The following DKK2 variants were observed in gnomAD, a reference collection of about 807,000 sequenced individuals.
The protein encoded by DKK2 is dickkopf-related protein 2.
DKK2 carries 11 observed loss-of-function variants against 28.1 expected under a neutral mutation model. The ratio of observed to expected loss-of-function variants is 0.39; its 90% CI spans 0.25 to 0.65. The LOEUF is 0.65. Among genes scored for constraint, DKK2 ranks in the 30% least tolerant of loss-of-function variants. The probability of loss-of-function intolerance (pLI) is 0.47; values close to 1 mark genes in which losing one functional copy is unlikely to be tolerated. For synonymous variants in DKK2, 135 were observed against 126.5 expected (o/e 1.07, Z -0.45); for missense variants, 326 against 335.5 (o/e 0.97, Z 0.22).
At chr4:106,963,780 G>T (rs890991989) in intron 1 of DKK2, among the ~76,000 whole-genome samples, 1 of 152,180 alleles carries the variant, frequency 6.6e-6, no homozygotes, top group African/African-American at 2.4e-5. Context: ...GATTCAACAT[G>T]TTCAACAATG....
chr4:106,943,688 T>A (rs1333658046), intron 1 of DKK2, among the ~76,000 whole-genome samples: 1 of 152,142 alleles, frequency 6.6e-6, no homozygotes, highest in Non-Finnish European at 1.5e-5. Context: ...AGTACTATCA[T>A]CAGTTCTGCA....
At chr4:106,953,046 G>A (rs1722511300) in intron 1 of DKK2, among the ~76,000 whole-genome samples, 1 of 152,070 alleles carries the variant, frequency 6.6e-6, no homozygotes, top group African/African-American at 2.4e-5. Flanking sequence ...TGCTATAGTT[G>A]TCTCTGTCTT....
At position 106,924,204 on chromosome 4, in the gene DKK2, C is replaced by T; in HGVS notation, c.530G>A (p.Gly177Glu). ...TCGTAGGCAGGGGTCTCCTTCATGC[C>T]CTGCAGAGATGATGACCAATAGATG... ...RPHTKMSHIK[G>E]HEGDPCLRSS... The change falls in exon 4 of 4, where the codon GGG becomes GAG. Residue 177 changes from glycine to glutamate, a missense_variant and splice_region_variant. By Grantham distance (98) the Gly-to-Glu change is moderately conservative (BLOSUM62 -2). Coordinates refer to ENST00000285311, the MANE Select transcript of DKK2 (RefSeq NM_014421.3). 1 of 1,613,640 alleles carries T rather than the reference C, an allele frequency of 6.2e-7. No individual in the cohort carries two copies. Among genetic ancestry groups the T allele is most frequent in the Non-Finnish European group, 8.5e-7 (1 of 1,179,828 alleles).
rs543234259 is a variant in DKK2, at chr4:106,938,810, C to T, written c.223-12861G>A. On this transcript the variant is annotated intron_variant, in intron 1 of 3. Transcript: ENST00000285311. ...TGGGATGCAAGGCTGGTTCAATATA[C>T]GCAAATCAATAAATGTAATCCAGCA... 4.4e-3 allele frequency among the ~76,000 whole-genome samples: 664 copies of T among 151,294 alleles called. 5 individuals carry two copies. Among genetic ancestry groups the T allele is most frequent in the African/African-American group, 0.015 (631 of 41,194 alleles).
Position 106,924,640 on chromosome 4 carries a change from G to C in DKK2, c.434C>G (p.Thr145Ser). Residue 145 changes from threonine to serine, a missense_variant, in exon 3 of 4, where the codon ACT (threonine) becomes AGT (serine). Transcript: ENST00000285311. ...ACCGTGGTTTCGATCTCTGTGCCGA[G>C]TACCATCCAGAGCCGGGATGTGAGG... is the stretch of plus-strand genomic sequence containing the variant. ...LTPHIPALDG[T>S]RHRDRNHGHY... The C allele has an allele frequency of 6.2e-7, 1 of 1,613,890 alleles. No homozygotes were observed.
At chr4:106,981,990 T>A (rs1723032813) in intron 1 of DKK2, among the ~76,000 whole-genome samples, 1 of 152,156 alleles carries the variant, frequency 6.6e-6, no homozygotes, top group Non-Finnish European at 1.5e-5. Flanking sequence ...AAATATTGGG[T>A]GAATCAATAA....
At chr4:107,004,212 C>G (rs1425509708) in intron 1 of DKK2, among the ~76,000 whole-genome samples, 1 of 152,196 alleles carries the variant, frequency 6.6e-6, no homozygotes, top group Non-Finnish European at 1.5e-5. Context: ...CAAAGTGCTT[C>G]TCATGCTGTG....
chr4:107,017,161 C>A (rs1003493840), intron 1 of DKK2, among the ~76,000 whole-genome samples: 11 of 151,934 alleles, frequency 7.2e-5, no homozygotes, highest in African/African-American at 2.7e-4. Context: ...TTTATCCATT[C>A]TATAATGTAG....
rs1439585999 is a variant in DKK2 at position 107,035,402 on chromosome 4, C to T, written c.190G>A (p.Gly64Ser). 1.9e-6 allele frequency: 3 copies of T among 1,614,088 alleles called. No individual in the cohort carries two copies. The highest frequency in any genetic ancestry group is 2.5e-6 in the Non-Finnish European group (3 of 1,180,050). The change falls in exon 1 of 4, where the codon GGC (glycine) becomes AGC (serine). Residue 64 changes from glycine to serine, a missense_variant. Coordinates refer to ENST00000285311, the MANE Select transcript of DKK2 (RefSeq NM_014421.3). ...AGGTTTTTGCCCTTCTTACTGCCGCCGAATGCCAGTCCTTGGTACATGCCC... is the reference window on the plus strand; with the variant it reads ...AGGTTTTTGCCCTTCTTACTGCCGCTGAATGCCAGTCCTTGGTACATGCCC... ...SAGMYQGLAF[G>S]GSKKGKNLGQ...
intron 1 of DKK2, among the ~76,000 whole-genome samples, chr4:107,019,801 A>G (rs570739386): frequency 2.6e-5 from 4 of 152,182 alleles, no homozygotes; most frequent in Non-Finnish European, 4.4e-5. Context: ...CTTACATTAA[A>G]TATCACTATA....
At chr4:106,939,806 A>G (rs935052601) in intron 1 of DKK2, among the ~76,000 whole-genome samples, 9 of 152,356 alleles carry the variant, frequency 5.9e-5, no homozygotes, top group Admixed American at 6.5e-5. Flanking sequence ...ATAATGCTGC[A>G]TATCTACAAC....
At chr4:106,929,206 AG>A (rs1724466466) in intron 1 of DKK2, among the ~76,000 whole-genome samples, 1 of 152,186 alleles carries the variant, frequency 6.6e-6, no homozygotes, top group Non-Finnish European at 1.5e-5. Flanking sequence ...CTTATTTTAA[AG>A]GTGAATTAAA....
At chr4:106,977,914 G>C (rs192104149) in intron 1 of DKK2, among the ~76,000 whole-genome samples, 1 of 152,218 alleles carries the variant, frequency 6.6e-6, no homozygotes, top group East Asian at 1.9e-4. Flanking sequence ...CCTTCAGATG[G>C]GGTTTTTGTG....
intron 1 of DKK2, among the ~76,000 whole-genome samples, chr4:106,991,850 A>G (rs1033311314): frequency 1.3e-5 from 2 of 152,166 alleles, no homozygotes; most frequent in African/African-American, 4.8e-5. Flanking sequence ...TTTGGCCTAC[A>G]CCATCAGCTC....
intron 1 of DKK2, among the ~76,000 whole-genome samples, chr4:107,005,561 G>A (rs1432336115): frequency 6.6e-6 from 1 of 151,848 alleles, no homozygotes; most frequent in African/African-American, 2.4e-5. Flanking sequence ...ATGGTGCTCC[G>A]ACATCATTAT....
At chr4:106,959,084 A>T (rs1222999408) in intron 1 of DKK2, among the ~76,000 whole-genome samples, 1 of 152,136 alleles carries the variant, frequency 6.6e-6, no homozygotes, top group Non-Finnish European at 1.5e-5. Flanking sequence ...TTAAAAATTG[A>T]TTATATCAAG....
Position 106,942,907 on chromosome 4 carries a change from A to G in DKK2, c.223-16958T>C, listed in dbSNP as rs553179716. ...AATAAGACTACCCAGAAACATGTCT[A>G]TTCTTAATATGCTGTATAAACCCTG... On this transcript the variant is annotated intron_variant, in intron 1 of 3. Coordinates refer to ENST00000285311, the MANE Select transcript of DKK2 (RefSeq NM_014421.3). Among the ~76,000 whole-genome samples, 3 of 152,194 alleles carry G rather than the reference A, an allele frequency of 2.0e-5. No individual in the cohort carries two copies. The Middle Eastern group carries it at 0.01, about 521-fold the overall frequency.
chr4:106,988,055 A>T (rs1483411084), intron 1 of DKK2, among the ~76,000 whole-genome samples: 1 of 152,112 alleles, frequency 6.6e-6, no homozygotes, highest in Non-Finnish European at 1.5e-5. Context: ...TAATAGAGAC[A>T]GGGTTTCACC....
intron 1 of DKK2, among the ~76,000 whole-genome samples, chr4:106,966,915 A>G (rs180899580): frequency 8.5e-5 from 13 of 152,328 alleles, no homozygotes; most frequent in Admixed American, 6.5e-4. Context: ...TTTGGGAGTT[A>G]CAGTTCAAGA....
Sources: gnomAD v4.1 joint callset for allele counts (sites outside exome capture counted in the v4.1 genomes callset) on GRCh38, gnomAD v4.1.1 for gene constraint, MANE v1.5 for transcripts, NCBI Gene and HGNC (gene_info 2026-07-23, HGNC 2026-07-21) for gene names.